The following LMO7 variants were observed in gnomAD, a reference collection of about 807,000 sequenced individuals.
LMO7 encodes the protein LIM domain only protein 7.
LMO7 carries 120 observed loss-of-function variants against 206.5 expected under a neutral mutation model. That is an observed-to-expected ratio of 0.58 (90% CI 0.50 to 0.68). LMO7 has a LOEUF of 0.68. Ranked by LOEUF, LMO7 falls within the 30% of genes least tolerant of loss-of-function variation. The pLI, the probability that LMO7 is intolerant of heterozygous loss-of-function variation, is 0.00. For synonymous variants in LMO7, 706 were observed against 681.5 expected, an observed-to-expected ratio of 1.04 and a Z score of -0.56; for missense variants, 1,959 against 1,957.9, an observed-to-expected ratio of 1.00 and a Z score of -0.01.
At chr13:75,730,552 A>G (rs1158374317) in intron 3 of LMO7, among the ~76,000 whole-genome samples, 1 of 150,350 alleles carries the variant, frequency 6.7e-6, no homozygotes, top group African/African-American at 2.5e-5. Flanking sequence ...GCGGTCTATC[A>G]ATTTTGTTGA....
intron 2 of LMO7, among the ~76,000 whole-genome samples, chr13:75,713,964 G>C (rs763415888): frequency 6.6e-6 from 1 of 152,204 alleles, no homozygotes; most frequent in Non-Finnish European, 1.5e-5. Flanking sequence ...GGTAGAGGTT[G>C]CAGAAGCGAG....
rs1434068809 is a variant in LMO7, at chr13:75,840,071, G to A, written c.3452-14G>A. ...TTGTATATTTTTCTTCCTTGCCCAT[G>A]TGCTGCAACACAGGAAGCTCTGATT... On this transcript the variant is annotated splice_polypyrimidine_tract_variant and intron_variant, in intron 20 of 30. Transcript: ENST00000377534. 6.2e-7 allele frequency: 1 copy of A among 1,613,442 alleles called. No homozygotes were observed. The highest frequency in any genetic ancestry group is 1.7e-5 in the Admixed American group (1 of 60,006).
At chr13:75,657,959 C>G (rs1049894853) in intron 1 of LMO7, among the ~76,000 whole-genome samples, 1 of 151,948 alleles carries the variant, frequency 6.6e-6, no homozygotes, top group Non-Finnish European at 1.5e-5. Context: ...CCTTCTGATG[C>G]CTTTGTAATT....
chr13:75,647,087 CTA>C (rs1222220085), intron 1 of LMO7, among the ~76,000 whole-genome samples: 1 of 147,868 alleles, frequency 6.8e-6, no homozygotes, highest in African/African-American at 2.5e-5. Flanking sequence ...GTGTGTGTGT[CTA>C]TGTGTATTTG....
intron 1 of LMO7, chr13:75,621,932 C>A: frequency 8.0e-7 from 1 of 1,257,472 alleles, no homozygotes; most frequent in Non-Finnish European, 1.0e-6. Context: ...AGAGCATCTC[C>A]ATTTGGCTTT....
At chr13:75,709,792 C>T (rs1392245976) in intron 1 of LMO7, among the ~76,000 whole-genome samples, 1 of 152,066 alleles carries the variant, frequency 6.6e-6, no homozygotes, top group Non-Finnish European at 1.5e-5. Context: ...TGCAGAAGCT[C>T]TTTAGTTTAA....
intron 2 of LMO7, 124 bp from the exon 3 acceptor site, chr13:75,726,905 G>T: frequency 1.5e-6 from 1 of 659,808 alleles, no homozygotes; most frequent in South Asian, 1.7e-5. Context: ...TTTTTGATGG[G>T]CTGTTGGCTC....
At chr13:75,744,108 G>C (rs977589741) in intron 3 of LMO7, among the ~76,000 whole-genome samples, 2 of 152,126 alleles carry the variant, frequency 1.3e-5, no homozygotes, top group African/African-American at 4.8e-5. Context: ...CATTATGGTA[G>C]AGTTATTTAT....
At chr13:75,719,792 A>G (rs924659626) in intron 2 of LMO7, among the ~76,000 whole-genome samples, 5 of 152,192 alleles carry the variant, frequency 3.3e-5, no homozygotes, top group Admixed American at 3.3e-4. Context: ...GTGAGAATGG[A>G]CTAATACAAT....
rs779992243 is a variant in LMO7 at position 75,841,873 on chromosome 13, G to A, written c.3921G>A (p.Glu1307=). The A allele has an allele frequency of 1.9e-6, 3 of 1,614,104 alleles. No homozygotes were observed. The highest frequency in any genetic ancestry group is 2.2e-5 in the East Asian group (1 of 44,882). The change falls in exon 24 of 31, where the codon GAG becomes GAA. Residue 1307 remains glutamate, a synonymous_variant. Coordinates refer to ENST00000377534, the MANE Select transcript of LMO7 (RefSeq NM_001306080.2). ...KWEQQLQEEQ[E]QKRLQAEAEE... is the part of the protein sequence containing the mutation. ...AGCAACAGCTTCAGGAAGAGCAAGA[G>A]CAAAAGCGGCTTCAGGCTGAGGCTG...
chr13:75,662,183 A>G (rs1414577446), intron 1 of LMO7, among the ~76,000 whole-genome samples: 1 of 152,176 alleles, frequency 6.6e-6, no homozygotes, highest in Non-Finnish European at 1.5e-5. Flanking sequence ...AAAGCTATGG[A>G]TTCTTTTATT....
At chr13:75,763,915 C>T (rs1487800353) in intron 4 of LMO7, among the ~76,000 whole-genome samples, 1 of 152,132 alleles carries the variant, frequency 6.6e-6, no homozygotes, top group Non-Finnish European at 1.5e-5. Flanking sequence ...TTTCAGTTTT[C>T]TAGCTATCTG....
At chr13:75,802,967 T>TA (rs1221102662) in intron 7 of LMO7, among the ~76,000 whole-genome samples, 1 of 152,218 alleles carries the variant, frequency 6.6e-6, no homozygotes, top group Non-Finnish European at 1.5e-5. Context: ...CGTACTGGGC[T>TA]AAAAAATACT....
At chr13:75,626,577 T>TATATATATATA (rs71127564) in intron 2 of LMO7, among the ~76,000 whole-genome samples, 3,182 of 74,142 alleles carry the variant, frequency 0.043, 276 homozygotes, top group Non-Finnish European at 0.066. Flanking sequence ...AACATATATA[T>TATATATATATA]TATATATATA....
At chr13:75,718,646 A>G (rs1318367599) in intron 2 of LMO7, among the ~76,000 whole-genome samples, 1 of 152,100 alleles carries the variant, frequency 6.6e-6, no homozygotes, top group East Asian at 1.9e-4. Context: ...ACACATCATC[A>G]TCACCCAGAG....
chr13:75,845,359 AT>A lies in LMO7; in HGVS notation c.4132del (p.Tyr1378ThrfsTer12). 1 of 1,583,512 alleles carries A rather than the reference AT, an allele frequency of 6.3e-7. No homozygotes were observed. ...TCCAGATCTACTACTGAACTGGATG[AT>A]TACTCCACAAATAAAAATGGTAAAT... is the stretch of plus-strand genomic sequence containing the variant. ...NKSRSTTELD[D>X]YSTNKNGNNK... On this transcript the variant is annotated frameshift_variant, in exon 26 of 31. Transcript: ENST00000377534. LOFTEE classifies it high-confidence loss of function.
intron 17 of LMO7, among the ~76,000 whole-genome samples, 181 bp downstream of exon 17, chr13:75,834,568 T>C (rs968984466): frequency 6.6e-6 from 1 of 152,210 alleles, no homozygotes; most frequent in Admixed American, 6.6e-5. Context: ...TGTCTGGATT[T>C]TTCACTAGCA....
At chr13:75,670,326 G>A (rs531329399) in intron 1 of LMO7, among the ~76,000 whole-genome samples, 2 of 152,262 alleles carry the variant, frequency 1.3e-5, no homozygotes, top group Admixed American at 1.3e-4. Context: ...CTGCCACTGA[G>A]AAGGAGTGTA....
rs143719911 is a variant in LMO7 at position 75,856,593 on chromosome 13, T to A, written c.4858T>A (p.Tyr1620Asn). 1 of 1,603,164 alleles carries A rather than the reference T, an allele frequency of 6.2e-7. No individual in the cohort carries two copies. Among genetic ancestry groups the A allele is most frequent in the African/African-American group, 1.3e-5 (1 of 74,654 alleles). Residue 1620 changes from tyrosine (Y) to asparagine (N), a missense_variant, in exon 30 of 31, where the codon TAT (tyrosine) becomes AAT (asparagine). Physicochemically the swap from Tyr to Asn is moderately radical, Grantham distance 143 (BLOSUM62 -2). Coordinates refer to ENST00000377534, the MANE Select transcript of LMO7 (RefSeq NM_001306080.2). ...RNHQLYCNDC[Y>N]LRFKSGRPTA... ...CCACCAACTGTACTGCAACGACTGCTATCTCAGATTCAAATGTAAGAGAGC... is the reference window on the plus strand; with the variant it reads ...CCACCAACTGTACTGCAACGACTGCAATCTCAGATTCAAATGTAAGAGAGC...
Sources: allele counts gnomAD v4.1 joint callset (sites outside exome capture counted in the v4.1 genomes callset), GRCh38; gene constraint gnomAD v4.1.1; transcripts MANE v1.5; gene names NCBI Gene and HGNC (gene_info 2026-07-23, HGNC 2026-07-21).